BMP2K: variants seen among roughly 807,000 people sequenced by gnomAD.
BMP2K encodes BMP2 inducible kinase, also known as BMP-2-inducible protein kinase.
Under a neutral mutation model 116.0 loss-of-function variants are expected in BMP2K, and 74 were observed. That is an observed-to-expected ratio of 0.64 (90% CI 0.53 to 0.77). The LOEUF is 0.77. Ranked by LOEUF, BMP2K falls within the 30% of genes least tolerant of loss-of-function variation. The pLI is 0.00. For synonymous variants in BMP2K, 486 were observed against 502.5 expected, an observed-to-expected ratio of 0.97 and a Z score of 0.44; for missense variants, 1,365 against 1,403.6, an observed-to-expected ratio of 0.97 and a Z score of 0.44.
intron 1 of BMP2K, among the ~76,000 whole-genome samples, chr4:78,825,501 T>C (rs1250902105): frequency 6.6e-6 from 1 of 152,244 alleles, no homozygotes; most frequent in African/African-American, 2.4e-5. Context: ...GGGCTGACTT[T>C]ACATGTTCAA....
At chr4:78,855,170 C>T (rs1731443977) in intron 7 of BMP2K, among the ~76,000 whole-genome samples, 1 of 152,052 alleles carries the variant, frequency 6.6e-6, no homozygotes, top group African/African-American at 2.4e-5. Flanking sequence ...TTTCAGCACC[C>T]ATATACTAAG....
At chr4:78,786,130 A>G (rs1434817663) in intron 1 of BMP2K, among the ~76,000 whole-genome samples, 3 of 152,088 alleles carry the variant, frequency 2.0e-5, no homozygotes, top group Admixed American at 2.0e-4. Flanking sequence ...CCCGCAATTC[A>G]TATGTTGAAA....
intron 1 of BMP2K, among the ~76,000 whole-genome samples, chr4:78,795,677 C>CT (rs895945592): frequency 2.6e-5 from 4 of 152,044 alleles, no homozygotes; most frequent in Admixed American, 2.0e-4. Flanking sequence ...ACAATGAACT[C>CT]TAACAAATTT....
intron 1 of BMP2K, among the ~76,000 whole-genome samples, chr4:78,788,526 A>C (rs1727843169): frequency 6.6e-6 from 1 of 152,072 alleles, no homozygotes; most frequent in Admixed American, 6.6e-5. Context: ...ATCTTTGGTA[A>C]ATTTTCATCT....
rs1727259863 is a variant in BMP2K at position 78,776,677 on chromosome 4, C to G, written c.134C>G (p.Ala45Gly). The G allele has an allele frequency of 8.0e-7, 1 of 1,244,922 alleles. No homozygotes were observed. The highest frequency in any genetic ancestry group is 4.2e-5 in the Admixed American group (1 of 23,972). 77.1% of individuals were successfully genotyped at this position (1,244,922 alleles called of 1,614,324 possible). The change falls in exon 1 of 16, where the codon GCG becomes GGG. Residue 45 changes from alanine to glycine, a missense_variant. This residue lies in a region of BMP2K where 762 missense variants were observed against 756.7 expected (regional missense o/e 1.01). Transcript: ENST00000502613. The stretch of plus-strand genomic sequence containing the variant: ...TCGTCCGTGGGGGTCCGGGTGTTCG[C>G]GGTCGGCCGCCACCAGGTCACCCTG... ...GGSSVGVRVFAVGRHQVTLEE... is the reference protein window; with the variant it reads ...GGSSVGVRVFGVGRHQVTLEE...
intron 10 of BMP2K, among the ~76,000 whole-genome samples, chr4:78,870,504 AAACT>A (rs796520323): frequency 2.6e-4 from 39 of 152,290 alleles, no homozygotes; most frequent in African/African-American, 8.9e-4. Flanking sequence ...AGTGTAGAAC[AAACT>A]AACATGGATG....
chr4:78,889,662 C>T (rs879151377), intron 15 of BMP2K, among the ~76,000 whole-genome samples: 2 of 152,098 alleles, frequency 1.3e-5, no homozygotes, highest in Admixed American at 1.3e-4. Flanking sequence ...ACTCTACTAG[C>T]GTTGTGAGAC....
intron 1 of BMP2K, 21 bp from the exon 2 acceptor site, chr4:78,826,016 A>G (rs1330481668): frequency 8.4e-6 from 13 of 1,555,870 alleles, no homozygotes; most frequent in Non-Finnish European, 1.1e-5. Context: ...TTTTAAATTA[A>G]TTGGTGCTTT....
chr4:78,895,012 T>TC (rs1304360805), intron 15 of BMP2K, among the ~76,000 whole-genome samples: 3 of 152,150 alleles, frequency 2.0e-5, no homozygotes, highest in Non-Finnish European at 4.4e-5. Flanking sequence ...TGCTGTCTTA[T>TC]ATGGGCTCAG....
rs764428298 is a variant in BMP2K at position 78,915,177 on chromosome 4, G to A, written c.*3144G>A. 1.3e-5 allele frequency: 2 copies of A among 151,852 alleles called. No homozygotes were observed. Among genetic ancestry groups the A allele is most frequent in the Non-Finnish European group, 2.9e-5 (2 of 67,862 alleles). 9.4% of individuals were successfully genotyped at this position (151,852 alleles called of 1,614,324 possible). ...GTTGGGTATAGTTACGACATTATCC[G>A]GATTTGCAAATAGACACAACTTTCA... On this transcript the variant is annotated 3_prime_UTR_variant, in exon 16 of 16. Coordinates refer to ENST00000502613, the MANE Select transcript of BMP2K (RefSeq NM_198892.2).
intron 8 of BMP2K, 134 bp from the exon 9 acceptor site, chr4:78,861,255 T>C: frequency 1.7e-6 from 1 of 589,450 alleles, no homozygotes; most frequent in Non-Finnish European, 2.9e-6. Context: ...GTGAATAATT[T>C]ATAGGTATCT....
chr4:78,832,309 C>T (rs543404805), intron 2 of BMP2K, among the ~76,000 whole-genome samples: 12 of 152,250 alleles, frequency 7.9e-5, no homozygotes, highest in Admixed American at 4.6e-4. Context: ...TATTTTTCCG[C>T]ATTCTTGCCA....
intron 1 of BMP2K, among the ~76,000 whole-genome samples, chr4:78,810,417 A>T (rs1427539858): frequency 6.6e-6 from 1 of 152,140 alleles, no homozygotes; most frequent in Non-Finnish European, 1.5e-5. Context: ...CTTCGACTTA[A>T]GTTTTTTGGT....
At chr4:78,807,047 T>TCCCA (rs1728857468) in intron 1 of BMP2K, among the ~76,000 whole-genome samples, 2 of 152,082 alleles carry the variant, frequency 1.3e-5, no homozygotes, top group Admixed American at 1.3e-4. Flanking sequence ...AGATGGGGTT[T>TCCCA]AGCCATGTTG....
chr4:78,857,117 A>G (rs1731542965), intron 7 of BMP2K, among the ~76,000 whole-genome samples: 1 of 152,178 alleles, frequency 6.6e-6, no homozygotes, highest in Non-Finnish European at 1.5e-5. Flanking sequence ...CACACAGAAT[A>G]CACACATGTA....
chr4:78,843,626 A>G (rs1207450912), intron 4 of BMP2K, among the ~76,000 whole-genome samples: 2 of 151,982 alleles, frequency 1.3e-5, no homozygotes, highest in Non-Finnish European at 2.9e-5. Context: ...TCATGAAAGC[A>G]TCATCTAGAA....
intron 1 of BMP2K, among the ~76,000 whole-genome samples, chr4:78,816,059 A>G (rs1344459301): frequency 6.6e-6 from 1 of 152,140 alleles, no homozygotes; most frequent in Non-Finnish European, 1.5e-5. Flanking sequence ...AATGGGTCAC[A>G]TTGACTCTTT....
At chr4:78,854,003 T>C (rs1731380635) in intron 7 of BMP2K, among the ~76,000 whole-genome samples, 1 of 152,006 alleles carries the variant, frequency 6.6e-6, no homozygotes, top group Non-Finnish European at 1.5e-5. Context: ...TTTGGATGCT[T>C]TGAAGTGGAA....
intron 1 of BMP2K, among the ~76,000 whole-genome samples, chr4:78,812,046 T>G (rs1439088390): frequency 1.3e-5 from 2 of 152,150 alleles, no homozygotes; most frequent in African/African-American, 2.4e-5. Context: ...TGAACTCGGC[T>G]TACTGCAACC....
Sources: allele counts gnomAD v4.1 joint callset (sites outside exome capture counted in the v4.1 genomes callset), GRCh38; gene constraint gnomAD v4.1.1; regional missense constraint gnomAD v4.1.1; transcripts MANE v1.5; gene names NCBI Gene and HGNC (gene_info 2026-07-23, HGNC 2026-07-21).